PRKACB: variants seen among roughly 807,000 people sequenced by gnomAD.
PRKACB encodes cAMP-dependent protein kinase catalytic subunit beta.
A neutral mutation model predicts 51.4 loss-of-function variants in PRKACB; 16 were observed. The observed-to-expected ratio is 0.31, with a 90% CI of 0.21 to 0.47. The LOEUF (loss-of-function observed/expected upper bound fraction) is 0.47, where lower values mean the gene tolerates loss of function less well. Among genes scored for constraint, PRKACB ranks in the 20% least tolerant of loss-of-function variants. The pLI is 1.00. For missense variants in PRKACB, 309 were observed against 464.5 expected, an observed-to-expected ratio of 0.67 and a Z score of 3.08; for synonymous variants, 147 against 154.4, an observed-to-expected ratio of 0.95 and a Z score of 0.35.
chr1:84,124,753 A>G (rs1310287294), intron 1 of PRKACB, among the ~76,000 whole-genome samples: 1 of 152,166 alleles, frequency 6.6e-6, no homozygotes, highest in African/African-American at 2.4e-5. Flanking sequence ...AAGAAGTTTC[A>G]TCTTCACATT....
chr1:84,099,630 C>G (rs1295671085), intron 1 of PRKACB, among the ~76,000 whole-genome samples: 2 of 151,810 alleles, frequency 1.3e-5, no homozygotes, highest in Non-Finnish European at 2.9e-5. Flanking sequence ...TACCTGGGCA[C>G]TTAATATTAT....
chr1:84,083,880 AT>A (rs1302447469), intron 1 of PRKACB, among the ~76,000 whole-genome samples: 1 of 152,160 alleles, frequency 6.6e-6, no homozygotes, highest in African/African-American at 2.4e-5. Context: ...TGCTTCATTC[AT>A]TCCTTTATTC....
At chr1:84,098,385 T>C (rs979442556) in intron 1 of PRKACB, among the ~76,000 whole-genome samples, 11 of 152,114 alleles carry the variant, frequency 7.2e-5, no homozygotes, top group Non-Finnish European at 1.6e-4. Flanking sequence ...TTTGTTTCCC[T>C]TTTAACAAAT....
intron 1 of PRKACB, among the ~76,000 whole-genome samples, chr1:84,170,746 T>G (rs1372639742): frequency 6.6e-6 from 1 of 151,628 alleles, no homozygotes; most frequent in Admixed American, 6.6e-5. Context: ...ATAGTAAAAT[T>G]ATCACATATG....
At position 84,202,766 on chromosome 1, in the gene PRKACB, C is replaced by G; in HGVS notation, c.867C>G (p.Asp289Glu). 1 of 1,608,326 alleles carries G rather than the reference C, an allele frequency of 6.2e-7. No homozygotes were observed. The highest frequency in any genetic ancestry group is 8.5e-7 in the Non-Finnish European group (1 of 1,175,546). ...MAAGYPPFFA[D>E]QPIQIYEKIV... ...CTGGCTATCCCCCATTCTTTGCAGACCAACCAATTCAGATTTATGAAAAGA... is the reference window on the plus strand; with the variant it reads ...CTGGCTATCCCCCATTCTTTGCAGAGCAACCAATTCAGATTTATGAAAAGA... The change falls in exon 8 of 10, where the codon GAC becomes GAG. Residue 289 changes from aspartate (D) to glutamate (E), a missense_variant. Transcript: ENST00000370685.
At chr1:84,235,139 T>A in intron 9 of PRKACB, 41 bp from the exon 10 acceptor site, 2 of 1,571,108 alleles carry the variant, frequency 1.3e-6, no homozygotes, top group Non-Finnish European at 1.7e-6. Context: ...TCAGGAATTT[T>A]TTTTTCCTTT....
intron 1 of PRKACB, among the ~76,000 whole-genome samples, chr1:84,161,753 A>G (rs116459626): frequency 0.013 from 2,040 of 151,970 alleles, 53 homozygotes; most frequent in African/African-American, 0.046. Context: ...TCTTTTCCAA[A>G]TTTGTGTTTT....
intron 1 of PRKACB, among the ~76,000 whole-genome samples, chr1:84,152,065 A>G (rs535540503): frequency 7.2e-5 from 11 of 152,326 alleles, no homozygotes; most frequent in African/African-American, 2.6e-4. Context: ...GACCTGATCC[A>G]TGCCTGCAGA....
At chr1:84,198,318 A>G (rs564855290) in intron 7 of PRKACB, among the ~76,000 whole-genome samples, 1 of 152,264 alleles carries the variant, frequency 6.6e-6, no homozygotes, top group East Asian at 1.9e-4. Context: ...TGCTTTTCTA[A>G]ATAGTGAAAC....
At position 84,235,304 on chromosome 1, in the gene PRKACB, A is replaced by G. The variant is rs1415315743; in HGVS notation, c.1196A>G (p.Ter399=). The G allele has an allele frequency of 2.5e-6, 4 of 1,613,980 alleles. No homozygotes were observed. The African/African-American group carries it at 4.0e-5, about 16-fold the overall frequency. The change falls in exon 10 of 10, where the codon TAA becomes TGA. Residue 399 remains the stop codon, a stop_retained_variant. Coordinates refer to ENST00000370685, the MANE Select transcript of PRKACB (RefSeq NM_182948.4). ...EKCAKEFGEF[*] ...TGTGCAAAAGAATTTGGTGAATTTTAAAGAGGAACAAGATGACATCTGAGC... is the reference window on the plus strand; with the variant it reads ...TGTGCAAAAGAATTTGGTGAATTTTGAAGAGGAACAAGATGACATCTGAGC...
intron 5 of PRKACB, among the ~76,000 whole-genome samples, chr1:84,195,605 TA>T (rs1667983018): frequency 6.6e-6 from 1 of 152,156 alleles, no homozygotes; most frequent in African/African-American, 2.4e-5. Context: ...ACTGATCTAT[TA>T]ATCTAATATA....
chr1:84,218,954 A>G (rs140380730), intron 9 of PRKACB, among the ~76,000 whole-genome samples: 83 of 152,262 alleles, frequency 5.5e-4, no homozygotes, highest in African/African-American at 1.8e-3. Flanking sequence ...AGAAATGTGT[A>G]CACATATCCT....
chr1:84,118,211 A>G (rs1201790738), intron 1 of PRKACB, among the ~76,000 whole-genome samples: 2 of 152,064 alleles, frequency 1.3e-5, no homozygotes, highest in African/African-American at 4.8e-5. Flanking sequence ...ATCTTGACCA[A>G]GCGGGCCACT....
intron 9 of PRKACB, among the ~76,000 whole-genome samples, chr1:84,219,227 GTTT>G (rs772119278): frequency 7.1e-6 from 1 of 140,086 alleles, no homozygotes. Flanking sequence ...TGTTTATTAG[GTTT>G]TTTTTTTTTT....
intron 1 of PRKACB, among the ~76,000 whole-genome samples, chr1:84,119,601 T>G (rs1175384547): frequency 6.6e-6 from 1 of 152,134 alleles, no homozygotes; most frequent in Non-Finnish European, 1.5e-5. Context: ...CTAGATGATA[T>G]TCACTCATAT....
At chr1:84,152,994 A>G (rs1051327915) in intron 1 of PRKACB, among the ~76,000 whole-genome samples, 11 of 152,104 alleles carry the variant, frequency 7.2e-5, no homozygotes, top group Non-Finnish European at 1.5e-4. Flanking sequence ...GAAGTGAGAG[A>G]TGTGCAATTC....
chr1:84,093,749 C>T (rs778704759), intron 1 of PRKACB, among the ~76,000 whole-genome samples: 25 of 151,794 alleles, frequency 1.6e-4, no homozygotes, highest in Non-Finnish European at 3.1e-4. Flanking sequence ...ACTTTAACTT[C>T]TTTTAGTAAT....
intron 1 of PRKACB, among the ~76,000 whole-genome samples, chr1:84,092,067 G>A (rs559591598): frequency 1.4e-3 from 211 of 152,258 alleles, no homozygotes; most frequent in Non-Finnish European, 2.4e-3. Context: ...CTATGTTACA[G>A]TAGTACTATT....
chr1:84,172,468 A>C (rs572984586), intron 1 of PRKACB, among the ~76,000 whole-genome samples: 10 of 151,816 alleles, frequency 6.6e-5, no homozygotes, highest in African/African-American at 2.4e-4. Flanking sequence ...CATGGCATGG[A>C]TGGCCTACAA....
Sources: allele counts gnomAD v4.1 joint callset (sites outside exome capture counted in the v4.1 genomes callset), GRCh38; gene constraint gnomAD v4.1.1; transcripts MANE v1.5; gene names NCBI Gene and HGNC (gene_info 2026-07-23, HGNC 2026-07-21).